The following RPA3 variants were observed in gnomAD, a reference collection of about 807,000 sequenced individuals.
RPA3 encodes the protein replication protein A 14 kDa subunit.
RPA3 carries 24 observed loss-of-function variants against 13.7 expected under a neutral mutation model. That is an observed-to-expected ratio of 1.75 (90% CI 1.27 to 2.46). The LOEUF (loss-of-function observed/expected upper bound fraction) is 2.46, where lower values mean the gene tolerates loss of function less well. Among genes scored for constraint, RPA3 ranks in the 30% most tolerant of loss-of-function variants. RPA3 has a pLI of 0.00. For synonymous variants in RPA3, 59 were observed against 51.2 expected (o/e 1.15, Z -0.65); for missense variants, 183 against 151.0 (o/e 1.21, Z -1.11).
At chr7:7,693,333 A>ATCTATCTATCTG (rs1212350431) in intron 2 of RPA3, among the ~76,000 whole-genome samples, 3 of 151,400 alleles carry the variant, frequency 2.0e-5, no homozygotes, top group African/African-American at 7.4e-5. Context: ...CTATCTATCT[A>ATCTATCTATCTG]TCTACATTAT....
intron 4 of RPA3, among the ~76,000 whole-genome samples, chr7:7,671,619 C>T (rs1410874023): frequency 6.6e-6 from 1 of 152,082 alleles, no homozygotes; most frequent in Non-Finnish European, 1.5e-5. Flanking sequence ...GCTTGCAAAC[C>T]AATTCTTTTC....
At chr7:7,637,132 C>T in intron 7 of RPA3, 50 bp from the exon 8 acceptor site, 1 of 1,236,526 alleles carries the variant, frequency 8.1e-7, no homozygotes, top group Non-Finnish European at 1.2e-6. Context: ...AAAGTTGTAA[C>T]ATCAATTATT....
At chr7:7,698,376 A>T (rs1262825922) in intron 2 of RPA3, among the ~76,000 whole-genome samples, 1 of 152,192 alleles carries the variant, frequency 6.6e-6, no homozygotes, top group African/African-American at 2.4e-5. Context: ...TCTGCCATCA[A>T]TTTCAACCAA....
chr7:7,710,070 C>G (rs556605859), intron 2 of RPA3, among the ~76,000 whole-genome samples: 52 of 152,182 alleles, frequency 3.4e-4, no homozygotes, highest in African/African-American at 1.2e-3. Context: ...AGCAATTTGC[C>G]TCTCTCACTC....
intron 2 of RPA3, among the ~76,000 whole-genome samples, chr7:7,693,347 G>A (rs10486185): frequency 0.077 from 7,729 of 100,292 alleles, 250 homozygotes; most frequent in Middle Eastern, 0.2. Flanking sequence ...ACATTATTTC[G>A]GTAGACTTAA....
intron 4 of RPA3, among the ~76,000 whole-genome samples, chr7:7,678,727 A>G (rs1426435765): frequency 8.2e-6 from 1 of 121,466 alleles, no homozygotes; most frequent in Non-Finnish European, 1.6e-5. Context: ...TTATAAATAT[A>G]TATTTATATA....
At chr7:7,638,155 G>A in intron 6 of RPA3, 183 bp from the exon 7 acceptor site, 1 of 434,452 alleles carries the variant, frequency 2.3e-6, no homozygotes, top group Non-Finnish European at 4.2e-6. Context: ...CTGTCAGCAT[G>A]TTAAAATTCC....
Position 7,637,905 on chromosome 7 carries a change from C to G in RPA3, c.242G>C (p.Cys81Ser). Residue 81 changes from cysteine to serine, a missense_variant, in exon 7 of 8, where the codon TGT (cysteine) becomes TCT (serine). By Grantham distance (112) the Cys-to-Ser change is moderately radical. Transcript: ENST00000223129. The part of the protein sequence containing the change: ...GRVTAKATIL[C>S]TSYVQFKEDS... Reference sequence around the variant, plus strand: ...TTCTTTAAACTGGACATAAGATGTACACAAGATGGTGGCCTTGGCGGTTAC... The same window carrying G: ...TTCTTTAAACTGGACATAAGATGTAGACAAGATGGTGGCCTTGGCGGTTAC... 1.2e-6 allele frequency: 2 copies of G among 1,613,646 alleles called. No homozygotes were observed. The highest frequency in any genetic ancestry group is 2.2e-5 in the South Asian group (2 of 91,066).
chr7:7,640,378 G>A lies in RPA3; in HGVS notation c.41C>T (p.Ala14Val). 1 of 1,614,060 alleles carries A rather than the reference G, an allele frequency of 6.2e-7. No individual in the cohort carries two copies. Among genetic ancestry groups the A allele is most frequent in the Non-Finnish European group, 8.5e-7 (1 of 1,180,038 alleles). The change falls in exon 5 of 8, where the codon GCC (alanine) becomes GTC (valine). Residue 14 changes from alanine (A) to valine (V), a missense_variant. Ala to Val is a moderately conservative substitution (Grantham distance 64). Transcript: ENST00000223129. The stretch of plus-strand genomic sequence containing the variant: ...GTCGATGAATTGAGCTAGCATGCCG[G>A]CGTTGATGCGCGACCTGGGCAAGTC... ...MMDLPRSRIN[A>V]GMLAQFIDKP... is the part of the protein sequence containing the mutation.
rs572574915 is a variant in RPA3, at chr7:7,717,088, G to C, written c.-1080+1427C>G. 8.8e-5 allele frequency among the ~76,000 whole-genome samples: 12 copies of C among 135,800 alleles called. 1 individual carries two copies. Among genetic ancestry groups the C allele is most frequent in the African/African-American group, 3.4e-4 (12 of 35,090 alleles). 89.1% of individuals were successfully genotyped at this position (135,800 alleles called of 152,430 possible). On this transcript the variant is annotated intron_variant, in intron 1 of 7. Coordinates refer to ENST00000223129, the MANE Select transcript of RPA3 (RefSeq NM_002947.5). ...TTTTTTTTTTTTGAGACGGAGTCTT[G>C]GTCTGTTGCCCAGGCTGGAGTGCAA...
chr7:7,692,358 A>G (rs1780192552), intron 2 of RPA3: 1 of 152,352 alleles, frequency 6.6e-6, no homozygotes, highest in East Asian at 1.9e-4. Flanking sequence ...ACCACGTGGT[A>G]GAAATAGGAG....
chr7:7,661,625 C>T (rs908655306), intron 4 of RPA3, among the ~76,000 whole-genome samples: 2 of 152,162 alleles, frequency 1.3e-5, no homozygotes, highest in Admixed American at 6.5e-5. Context: ...GCCTAGGGAT[C>T]ATCAGCAGAG....
At chr7:7,644,275 T>C (rs1785045302) in intron 4 of RPA3, among the ~76,000 whole-genome samples, 1 of 152,082 alleles carries the variant, frequency 6.6e-6, no homozygotes. Flanking sequence ...TTTAAGAGCT[T>C]TTTATTAGTG....
intron 4 of RPA3, among the ~76,000 whole-genome samples, chr7:7,669,931 A>G (rs748024308): frequency 1.4e-4 from 21 of 152,146 alleles, no homozygotes; most frequent in Non-Finnish European, 2.5e-4. Context: ...CCCTCCTTCT[A>G]TAATATATTT....
intron 2 of RPA3, among the ~76,000 whole-genome samples, chr7:7,710,906 A>G (rs760110006): frequency 5.3e-5 from 8 of 152,228 alleles, no homozygotes; most frequent in Non-Finnish European, 1.0e-4. Flanking sequence ...GAATCTCCAG[A>G]GAATTATGCT....
In RPA3 at chr7:7,718,072, C is replaced by G. The variant is rs374468009; in HGVS notation, c.-1080+443G>C. Reference sequence around the variant, plus strand: ...AGTGTGTTGAATAACCTGTGATATACCATTCACTTATTAACTTCACATTGT... The same window carrying G: ...AGTGTGTTGAATAACCTGTGATATAGCATTCACTTATTAACTTCACATTGT... On this transcript the variant is annotated intron_variant, in intron 1 of 7. Coordinates refer to ENST00000223129, the MANE Select transcript of RPA3 (RefSeq NM_002947.5). Among the ~76,000 whole-genome samples the G allele has an allele frequency of 2.0e-4, 31 of 152,166 alleles. No homozygotes were observed. In the South Asian group the frequency reaches 6.2e-3, roughly 31 times the overall value.
At chr7:7,716,780 C>G (rs565563393) in intron 1 of RPA3, among the ~76,000 whole-genome samples, 149 of 152,300 alleles carry the variant, frequency 9.8e-4, no homozygotes, top group Non-Finnish European at 1.7e-3. Flanking sequence ...CCCGTCTCTA[C>G]TAAAAGCACA....
intron 4 of RPA3, among the ~76,000 whole-genome samples, chr7:7,677,955 G>C (rs1054985251): frequency 6.6e-6 from 1 of 151,948 alleles, no homozygotes; most frequent in Non-Finnish European, 1.5e-5. Flanking sequence ...TTACAGGCGT[G>C]AGCCACCGCG....
At chr7:7,709,051 C>A (rs923645853) in intron 2 of RPA3, among the ~76,000 whole-genome samples, 1 of 151,914 alleles carries the variant, frequency 6.6e-6, no homozygotes, top group African/African-American at 2.4e-5. Flanking sequence ...ATTAAAAATA[C>A]CAATTAACTA....
Sources: allele counts gnomAD v4.1 joint callset (sites outside exome capture counted in the v4.1 genomes callset), GRCh38; gene constraint gnomAD v4.1.1; transcripts MANE v1.5; gene names NCBI Gene and HGNC (gene_info 2026-07-23, HGNC 2026-07-21).